The following ERCC4 variants were observed in gnomAD, a reference collection of about 807,000 sequenced individuals.
ERCC4 encodes the protein DNA repair endonuclease XPF.
ERCC4 carries 65 observed loss-of-function variants against 76.9 expected under a neutral mutation model. The ratio of observed to expected loss-of-function variants is 0.84; its 90% CI spans 0.69 to 1.04. The LOEUF (loss-of-function observed/expected upper bound fraction) is 1.04. Among genes scored for constraint, ERCC4 ranks in the 50% least tolerant of loss-of-function variants. The pLI is 0.00. For missense variants in ERCC4, 1,214 were observed against 1,128.2 expected, an observed-to-expected ratio of 1.08 and a Z score of -1.09; for synonymous variants, 463 against 410.1, an observed-to-expected ratio of 1.13 and a Z score of -1.56.
Position 13,951,982 on chromosome 16 carries a change from T to C in ERCC4, c.*3635T>C. Reference sequence around the variant, plus strand: ...TTCTTTATTATTTTGTTTTCTATTTTGGTTTATAGCTATTTCTGGTTCAGT... The same window carrying C: ...TTCTTTATTATTTTGTTTTCTATTTCGGTTTATAGCTATTTCTGGTTCAGT... On this transcript the variant is annotated 3_prime_UTR_variant, in exon 11 of 11. Transcript: ENST00000311895. 4.8e-6 allele frequency: 1 copy of C among 206,744 alleles called. No individual in the cohort carries two copies. 12.8% of individuals were successfully genotyped at this position (206,744 alleles called of 1,614,324 possible).
Position 13,944,695 on chromosome 16 carries a change from G to A in ERCC4, c.1905-28G>A, listed in dbSNP as rs1799800. 0.26 allele frequency: 375,677 copies of A among 1,430,286 alleles called. 51,599 individuals are homozygous for A. Among genetic ancestry groups the A allele is most frequent in the Middle Eastern group, 0.34 (1,956 of 5,698 alleles). The allele number at this position is 1,430,286 out of a possible 1,614,324, so 88.6% of individuals were successfully genotyped here. A position where few individuals can be genotyped will look rare whatever the true frequency, so the allele number is the denominator to read the frequency against. On this transcript the variant is annotated intron_variant, in intron 9 of 10. Transcript: ENST00000311895. ...ATCTAGAATTTTGAAATTTGTTTCA[G>A]AAGTGTTGACAATGTTTTCTCCCAC...
intron 6 of ERCC4, chr16:13,933,872 T>C (rs2032231351): frequency 4.2e-6 from 1 of 240,492 alleles, no homozygotes; most frequent in Non-Finnish European, 8.1e-6. Flanking sequence ...TGTCATTGTG[T>C]ACCGATGCCT....
intron 2 of ERCC4, chr16:13,922,746 G>A (rs1010263610): frequency 6.1e-6 from 2 of 326,754 alleles, no homozygotes; most frequent in South Asian, 2.7e-5. Context: ...TCTGCTGAAC[G>A]CTCTACTAGA....
chr16:13,944,271 C>T (rs1407224794), intron 9 of ERCC4, among the ~76,000 whole-genome samples: 1 of 152,084 alleles, frequency 6.6e-6, no homozygotes, highest in Non-Finnish European at 1.5e-5. Flanking sequence ...AAAATTCTAT[C>T]ATATATGTTT....
intron 9 of ERCC4, 45 bp downstream of exon 9, chr16:13,937,903 A>C: frequency 1.7e-6 from 2 of 1,181,292 alleles, no homozygotes; most frequent in South Asian, 2.4e-5. Context: ...TACATTGGAA[A>C]CCTCTGGATG....
In ERCC4 at chr16:13,948,191, C is replaced by T. The variant is rs745923107; in HGVS notation, c.2595C>T (p.Ser865=). Residue 865 remains serine (S), a synonymous_variant, in exon 11 of 11, where the codon TCC becomes TCT. Transcript: ENST00000311895. ...MPGVNAKNCR[S]LMHHVKNIAE... is the part of the protein sequence containing the mutation. ...GGGTGAATGCCAAAAACTGCCGCTC[C>T]TTGATGCACCACGTTAAGAACATCG... 1.9e-6 allele frequency: 3 copies of T among 1,614,058 alleles called. No individual in the cohort carries two copies. Among genetic ancestry groups the T allele is most frequent in the South Asian group, 1.1e-5 (1 of 91,084 alleles).
intron 4 of ERCC4, 64 bp downstream of exon 4, chr16:13,928,299 AAT>A (rs2032108918): frequency 6.1e-6 from 7 of 1,154,478 alleles, no homozygotes; most frequent in Non-Finnish European, 7.8e-6. Flanking sequence ...AAGTTATTTT[AAT>A]ATTTGCAATG....
Position 13,935,273 on chromosome 16 carries a change from A to C in ERCC4, c.1341A>C (p.Glu447Asp). ...RKTFEKDSKA[E>D]EVWMKFRKED... ...CCTTTGAGAAGGATAGCAAAGCTGA[A>C]GAAGTCTGGATGAAATTTAGGAAGG... The change falls in exon 8 of 11, where the codon GAA (glutamate) becomes GAC (aspartate). Residue 447 changes from glutamate to aspartate, a missense_variant. By Grantham distance (45) the Glu-to-Asp change is conservative. Transcript: ENST00000311895. The C allele has an allele frequency of 6.2e-7, 1 of 1,614,160 alleles. No homozygotes were observed. Among genetic ancestry groups the C allele is most frequent in the Non-Finnish European group, 8.5e-7 (1 of 1,180,024 alleles).
At chr16:13,940,070 A>G (rs150008604) in intron 9 of ERCC4, among the ~76,000 whole-genome samples, 356 of 152,284 alleles carry the variant, frequency 2.3e-3, no homozygotes, top group African/African-American at 8.0e-3. Flanking sequence ...TATACTCACA[A>G]TACAGTTTCT....
intron 9 of ERCC4, among the ~76,000 whole-genome samples, chr16:13,939,805 TGA>T (rs1463972347): frequency 6.6e-6 from 1 of 152,052 alleles, no homozygotes; most frequent in Non-Finnish European, 1.5e-5. Context: ...AAGACAGATT[TGA>T]GAGAGATTTG....
Position 13,951,532 on chromosome 16 carries a change from C to A in ERCC4, c.*3185C>A, listed in dbSNP as rs2032629911. Reference sequence around the variant, plus strand: ...TGGCAGTAAGCTATTACTAATTCAGCCTGAAGCTCGGTAGACAATATGTCT... The same window carrying A: ...TGGCAGTAAGCTATTACTAATTCAGACTGAAGCTCGGTAGACAATATGTCT... On this transcript the variant is annotated 3_prime_UTR_variant, in exon 11 of 11. Transcript: ENST00000311895. 2 of 212,770 alleles carry A rather than the reference C, an allele frequency of 9.4e-6. No homozygotes were observed. The highest frequency in any genetic ancestry group is 1.9e-5 in the Non-Finnish European group (2 of 105,100). The allele number at this position is 212,770 out of a possible 1,614,324, so 13.2% of individuals were successfully genotyped here. A position where few individuals can be genotyped will look rare whatever the true frequency, so the allele number is the denominator to read the frequency against.
In ERCC4 at chr16:13,928,246, T is replaced by G. The variant is rs2032107661; in HGVS notation, c.792+11T>G. On this transcript the variant is annotated intron_variant, in intron 4 of 10. Transcript: ENST00000311895. ...AAACCTTTTGACAAGGTACTCTTTT[T>G]CCTTTTAAGCACAGTTTATTATGTT... 6.5e-7 allele frequency: 1 copy of G among 1,546,224 alleles called. No homozygotes were observed. The highest frequency in any genetic ancestry group is 1.4e-5 in the African/African-American group (1 of 73,668).
chr16:13,935,048 G>A, intron 7 of ERCC4, 98 bp from the exon 8 acceptor site: 1 of 923,314 alleles, frequency 1.1e-6, no homozygotes, highest in Non-Finnish European at 1.8e-6. Flanking sequence ...ATACCAAAGG[G>A]TAAGATGTCT....
In ERCC4 at chr16:13,922,064, G is replaced by A. The variant is rs55761944; in HGVS notation, c.241G>A (p.Val81Ile). The change falls in exon 2 of 11, where the codon GTT (valine) becomes ATT (isoleucine). Residue 81 changes from valine (V) to isoleucine (I), a missense_variant. Val to Ile is a conservative substitution (Grantham distance 29). Transcript: ENST00000311895. Reference sequence around the variant, plus strand: ...TATCAATCAGCTGAAGATAGAAGGAGTTGAACACCTCCCTCGCCGTGTAAC... The same window carrying A: ...TATCAATCAGCTGAAGATAGAAGGAATTGAACACCTCCCTCGCCGTGTAAC... ...YFINQLKIEG[V>I]EHLPRRVTNE... The A allele has an allele frequency of 3.2e-5, 52 of 1,613,870 alleles. No individual in the cohort carries two copies. The African/African-American group carries it at 6.5e-4, about 20-fold the overall frequency.
Position 13,948,863 on chromosome 16 carries a change from CT to C in ERCC4, c.*517del, listed in dbSNP as rs2032576664. On this transcript the variant is annotated 3_prime_UTR_variant, in exon 11 of 11. Transcript: ENST00000311895. ...CTGTTGTGTCTGCTGGACGCTTGAA[CT>C]GATGTTTGTGTAGGAAATCATGTTC... 2 of 232,690 alleles carry C rather than the reference CT, an allele frequency of 8.6e-6. No homozygotes were observed. Among genetic ancestry groups the C allele is most frequent in the East Asian group, 1.2e-4 (2 of 16,446 alleles). 14.4% of individuals were successfully genotyped at this position (232,690 alleles called of 1,614,324 possible).
rs1050781783 is a variant in ERCC4, at chr16:13,932,436, G to A, written c.1102+151G>A. Reference sequence around the variant, plus strand: ...ATGTTTGTTATATGTAACATGTAATGTATGTTGAAAGTATATATGTAAAGT... The same window carrying A: ...ATGTTTGTTATATGTAACATGTAATATATGTTGAAAGTATATATGTAAAGT... On this transcript the variant is annotated intron_variant, in intron 6 of 10. Coordinates refer to ENST00000311895, the MANE Select transcript of ERCC4 (RefSeq NM_005236.3). 29 of 705,480 alleles carry A rather than the reference G, an allele frequency of 4.1e-5. No individual in the cohort carries two copies. The African/African-American group carries it at 5.0e-4, about 12-fold the overall frequency. The allele number at this position is 705,480 out of a possible 1,614,324, so 43.7% of individuals were successfully genotyped here. A position where few individuals can be genotyped will look rare whatever the true frequency, so the allele number is the denominator to read the frequency against.
chr16:13,930,669 T>C, intron 4 of ERCC4, 41 bp from the exon 5 acceptor site: 1 of 1,392,366 alleles, frequency 7.2e-7, no homozygotes. Context: ...ATAACTATAC[T>C]TAACATATTT....
intron 9 of ERCC4, among the ~76,000 whole-genome samples, chr16:13,944,510 A>C (rs963092396): frequency 3.3e-5 from 5 of 151,788 alleles, no homozygotes; most frequent in South Asian, 2.1e-4. Context: ...AAGAAGTAGT[A>C]TCCGACCAAG....
At chr16:13,930,259 G>A (rs1179537356) in intron 4 of ERCC4, among the ~76,000 whole-genome samples, 2 of 151,878 alleles carry the variant, frequency 1.3e-5, no homozygotes, top group South Asian at 4.2e-4. Flanking sequence ...CCTCTGCTTG[G>A]TCCATTTGGA....
Sources: allele counts gnomAD v4.1 joint callset (sites outside exome capture counted in the v4.1 genomes callset), GRCh38; gene constraint gnomAD v4.1.1; transcripts MANE v1.5; gene names NCBI Gene and HGNC (gene_info 2026-07-23, HGNC 2026-07-21).